TLL1: variants seen among roughly 807,000 people sequenced by gnomAD.
TLL1 encodes the protein tolloid-like protein 1.
A neutral mutation model predicts 128.2 loss-of-function variants in TLL1; 49 were observed. The observed-to-expected ratio is 0.38, with a 90% CI of 0.30 to 0.48. The LOEUF is 0.48. Among genes scored for constraint, TLL1 ranks in the 20% least tolerant of loss-of-function variants. The pLI is 0.96. For missense variants in TLL1, 1,123 were observed against 1,242.0 expected, an observed-to-expected ratio of 0.90 and a Z score of 1.44; for synonymous variants, 454 against 418.8, an observed-to-expected ratio of 1.08 and a Z score of -1.03.
intron 1 of TLL1, among the ~76,000 whole-genome samples, chr4:165,899,205 T>A (rs1016310119): frequency 6.6e-6 from 1 of 152,216 alleles, no homozygotes; most frequent in African/African-American, 2.4e-5. Flanking sequence ...AGGGTTTTTG[T>A]GTCTCTATTT....
In TLL1 at chr4:166,041,935, G is replaced by A. The variant is rs550196193; in HGVS notation, c.1262-92G>A. 4.7e-5 allele frequency: 40 copies of A among 846,894 alleles called. No homozygotes were observed. In the East Asian group the frequency reaches 8.9e-4, roughly 19 times the overall value. 52.5% of individuals were successfully genotyped at this position (846,894 alleles called of 1,614,324 possible). Reference sequence around the variant, plus strand: ...TTGGAATAGAAATGTGAACCAAATCGGTGTTTACATATTATTTGTGACTAG... The same window carrying A: ...TTGGAATAGAAATGTGAACCAAATCAGTGTTTACATATTATTTGTGACTAG... On this transcript the variant is annotated intron_variant, in intron 10 of 20. Transcript: ENST00000061240.
At chr4:165,963,463 TA>T (rs1561058578) in intron 1 of TLL1, among the ~76,000 whole-genome samples, 2 of 151,770 alleles carry the variant, frequency 1.3e-5, no homozygotes. Context: ...TTCAGTACTT[TA>T]TGCTTTTCAT....
intron 2 of TLL1, among the ~76,000 whole-genome samples, chr4:165,989,887 T>A (rs948018358): frequency 3.3e-5 from 5 of 151,900 alleles, no homozygotes; most frequent in Non-Finnish European, 5.9e-5. Context: ...AGAATTCAAT[T>A]CTGAAAAAAG....
Position 166,014,307 on chromosome 4 carries a change from T to A in TLL1, c.918-129T>A, listed in dbSNP as rs1239499655. 6 of 1,375,616 alleles carry A rather than the reference T, an allele frequency of 4.4e-6. No homozygotes were observed. The African/African-American group carries it at 8.7e-5, about 20-fold the overall frequency. 85.2% of individuals were successfully genotyped at this position (1,375,616 alleles called of 1,614,324 possible). A position where few individuals can be genotyped will look rare whatever the true frequency, so the allele number is the denominator to read the frequency against. Reference sequence around the variant, plus strand: ...AAAGTGTTTTGAAAGCCTGATACACTGCTTAAAGCACACAAGGTGTAGTTC... The same window carrying A: ...AAAGTGTTTTGAAAGCCTGATACACAGCTTAAAGCACACAAGGTGTAGTTC... On this transcript the variant is annotated intron_variant, in intron 7 of 20. Coordinates refer to ENST00000061240, the MANE Select transcript of TLL1 (RefSeq NM_012464.5).
At chr4:166,059,587 C>G (rs1300590815) in intron 14 of TLL1, among the ~76,000 whole-genome samples, 1 of 151,902 alleles carries the variant, frequency 6.6e-6, no homozygotes, top group African/African-American at 2.4e-5. Context: ...TTACATCATC[C>G]TAAACTGTGC....
chr4:165,915,724 G>A lies in TLL1; in HGVS notation c.169+41651G>A, dbSNP rs1050887330. Among the ~76,000 whole-genome samples, 6 of 152,062 alleles carry A rather than the reference G, an allele frequency of 3.9e-5. No homozygotes were observed. The East Asian group carries it at 5.8e-4, about 15-fold the overall frequency. The stretch of plus-strand genomic sequence containing the variant: ...TTAAGGTCAGAGAGACAGAGGGAGC[G>A]TGCATGCTCCCAAGACTGATTGATC... On this transcript the variant is annotated intron_variant, in intron 1 of 20. Transcript: ENST00000061240.
At chr4:166,089,419 C>T (rs1220241403) in intron 18 of TLL1, among the ~76,000 whole-genome samples, 1 of 152,064 alleles carries the variant, frequency 6.6e-6, no homozygotes. Flanking sequence ...TAAACGTCAG[C>T]TAGGTTTTTG....
At chr4:166,080,947 T>C (rs1170832880) in intron 18 of TLL1, among the ~76,000 whole-genome samples, 4 of 152,138 alleles carry the variant, frequency 2.6e-5, no homozygotes, top group Non-Finnish European at 5.9e-5. Flanking sequence ...ACTTGGTGCT[T>C]GTTAGTCTGG....
rs147223461 is a variant in TLL1, at chr4:165,992,837, G to A, written c.314G>A (p.Arg105Gln). ...GLGDHAMSKK[R>Q]GALYQLIDRI... The stretch of plus-strand genomic sequence containing the variant: ...GGAGACCATGCTATGTCAAAGAAGC[G>A]AGGGGCCCTCTACCAACTTATAGAC... Residue 105 changes from arginine to glutamine, a missense_variant, in exon 3 of 21, where the codon CGA becomes CAA. By Grantham distance (43) the Arg-to-Gln change is conservative. Around this residue, in one of 3 missense-constraint regions of TLL1, gnomAD observed 480 missense variants for 542.4 expected, o/e 0.89. Coordinates refer to ENST00000061240, the MANE Select transcript of TLL1 (RefSeq NM_012464.5). 2.7e-5 allele frequency: 44 copies of A among 1,613,186 alleles called. No homozygotes were observed. The highest frequency in any genetic ancestry group is 3.5e-5 in the Non-Finnish European group (41 of 1,179,456).
At chr4:166,028,574 A>G (rs1473470888) in intron 9 of TLL1, among the ~76,000 whole-genome samples, 3 of 152,016 alleles carry the variant, frequency 2.0e-5, no homozygotes, top group African/African-American at 7.2e-5. Context: ...TCAGATATTT[A>G]CAAATATTTG....
intron 9 of TLL1, among the ~76,000 whole-genome samples, chr4:166,026,343 C>T (rs1354365142): frequency 2.0e-5 from 3 of 151,082 alleles, no homozygotes; most frequent in Non-Finnish European, 4.4e-5. Flanking sequence ...AGCTGAAATC[C>T]CATACCACCA....
rs1288351846 is a variant in TLL1, at chr4:166,057,312, A to G, written c.1846+3A>G. 1 of 1,613,388 alleles carries G rather than the reference A, an allele frequency of 6.2e-7. No homozygotes were observed. Among genetic ancestry groups the G allele is most frequent in the Non-Finnish European group, 8.5e-7 (1 of 1,179,720 alleles). On this transcript the variant is annotated splice_donor_region_variant and intron_variant, in intron 14 of 20. Coordinates refer to ENST00000061240, the MANE Select transcript of TLL1 (RefSeq NM_012464.5). Reference sequence around the variant, plus strand: ...CCCAGACAGAAGGAGCTGTGAAGGTATGACTGCACTCCTTCCTGGACCCCC... The same window carrying G: ...CCCAGACAGAAGGAGCTGTGAAGGTGTGACTGCACTCCTTCCTGGACCCCC...
chr4:166,030,866 G>A, intron 9 of TLL1: 1 of 991,970 alleles, frequency 1.0e-6, no homozygotes, highest in Non-Finnish European at 1.2e-6. Flanking sequence ...GTTTGAAAAT[G>A]TGGATTTTTT....
intron 16 of TLL1, among the ~76,000 whole-genome samples, chr4:166,071,680 C>T: frequency 6.6e-6 from 1 of 151,796 alleles, no homozygotes; most frequent in East Asian, 1.9e-4. Flanking sequence ...AGTTTTTGTC[C>T]TAAGAGCAGA....
chr4:165,894,425 C>G (rs894584810), intron 1 of TLL1, among the ~76,000 whole-genome samples: 1 of 152,138 alleles, frequency 6.6e-6, no homozygotes, highest in African/African-American at 2.4e-5. Context: ...GGAGTAACAT[C>G]TTTAAATAAT....
chr4:165,939,181 T>G (rs1733890950), intron 1 of TLL1, among the ~76,000 whole-genome samples: 2 of 152,102 alleles, frequency 1.3e-5, no homozygotes, highest in Admixed American at 1.3e-4. Context: ...GGTCATTGAT[T>G]GGTGACCCTC....
chr4:166,095,482 A>G (rs4133994), intron 19 of TLL1, among the ~76,000 whole-genome samples: 76,151 of 151,816 alleles, frequency 0.5, 19,487 homozygotes, highest in Middle Eastern at 0.59. Flanking sequence ...AGAAACATGG[A>G]GAGAAAATAA....
intron 15 of TLL1, among the ~76,000 whole-genome samples, chr4:166,065,475 T>C (rs1213184567): frequency 6.6e-6 from 1 of 152,002 alleles, no homozygotes; most frequent in Non-Finnish European, 1.5e-5. Flanking sequence ...ATCTCTACAA[T>C]GGAAAGAGCT....
chr4:166,041,075 A>G (rs1739215552), intron 10 of TLL1, among the ~76,000 whole-genome samples: 1 of 152,214 alleles, frequency 6.6e-6, no homozygotes, highest in Admixed American at 6.5e-5. Flanking sequence ...ATATTTCTGG[A>G]TACAGAATTA....
Sources: gnomAD v4.1 joint callset for allele counts (sites outside exome capture counted in the v4.1 genomes callset) on GRCh38, gnomAD v4.1.1 for gene constraint, gnomAD v4.1.1 regional missense constraint, MANE v1.5 for transcripts, NCBI Gene and HGNC (gene_info 2026-07-23, HGNC 2026-07-21) for gene names.